GLI2: variants seen among roughly 807,000 people sequenced by gnomAD.
The protein encoded by GLI2 is transcription activator GLI2.
GLI2 carries 22 observed loss-of-function variants against 78.9 expected under a neutral mutation model. The ratio of observed to expected loss-of-function variants is 0.28; its 90% CI spans 0.20 to 0.40. GLI2 has a LOEUF of 0.40. Ranked by LOEUF, GLI2 falls within the 10% of genes least tolerant of loss-of-function variation. GLI2 has a pLI of 1.00. For synonymous variants in GLI2, 974 were observed against 963.7 expected (o/e 1.01, Z -0.20); for missense variants, 2,097 against 2,213.2 (o/e 0.95, Z 1.05).
rs540683265 is a variant in GLI2, at chr2:120,806,057, C to T, written c.148+8589C>T. On this transcript the variant is annotated intron_variant, in intron 2 of 13. Coordinates refer to ENST00000361492, the MANE Select transcript of GLI2 (RefSeq NM_001374353.1). ...AATAACCTATTTACAACTCAGTATG[C>T]GCCGGAGGGAGAATGGATGGGCCCC... Among the ~76,000 whole-genome samples, 54 of 152,298 alleles carry T rather than the reference C, an allele frequency of 3.5e-4. 1 individual carries two copies. In the South Asian group the frequency reaches 4.4e-3, roughly 12 times the overall value.
chr2:120,967,422 C>G (rs1214222521), intron 5 of GLI2, among the ~76,000 whole-genome samples: 1 of 152,202 alleles, frequency 6.6e-6, no homozygotes, highest in East Asian at 1.9e-4. Context: ...AGTCATCCAG[C>G]AGTGTTGTCA....
chr2:120,760,281 T>C (rs888426685), intron 1 of GLI2, among the ~76,000 whole-genome samples: 2 of 152,228 alleles, frequency 1.3e-5, no homozygotes, highest in Non-Finnish European at 2.9e-5. Flanking sequence ...GGGATATAGG[T>C]CCTCCTAGGG....
intron 2 of GLI2, among the ~76,000 whole-genome samples, chr2:120,918,808 C>T (rs2104838029): frequency 6.6e-6 from 1 of 152,338 alleles, no homozygotes; most frequent in South Asian, 2.1e-4. Flanking sequence ...GAAACTGAAG[C>T]TTGGAACACT....
chr2:120,988,123 C>T, intron 13 of GLI2, 85 bp from the exon 14 acceptor site: 1 of 1,220,984 alleles, frequency 8.2e-7, no homozygotes, highest in Non-Finnish European at 1.1e-6. Flanking sequence ...TTCTCGGGCT[C>T]CAGGCCCAGT....
chr2:120,983,765 A>G (rs865882686), intron 11 of GLI2, among the ~76,000 whole-genome samples: 1 of 152,186 alleles, frequency 6.6e-6, no homozygotes, highest in African/African-American at 2.4e-5. Flanking sequence ...AAAAGCTTAG[A>G]CATATCCTGG....
chr2:120,796,165 C>T (rs535368954), intron 1 of GLI2, among the ~76,000 whole-genome samples: 25 of 152,338 alleles, frequency 1.6e-4, no homozygotes, highest in South Asian at 6.2e-4. Context: ...CAGCTGGAGA[C>T]GGAAGTTGCC....
At chr2:120,823,396 TG>T (rs1389550986) in intron 2 of GLI2, among the ~76,000 whole-genome samples, 10 of 152,150 alleles carry the variant, frequency 6.6e-5, no homozygotes, top group Non-Finnish European at 1.3e-4. Flanking sequence ...CCCACATTTC[TG>T]GGTGCAGGTT....
chr2:120,972,975 C>A (rs1682263950), intron 8 of GLI2, among the ~76,000 whole-genome samples: 1 of 152,116 alleles, frequency 6.6e-6, no homozygotes, highest in South Asian at 2.1e-4. Context: ...GTCCCCCAAG[C>A]CCTCTCATGG....
intron 1 of GLI2, among the ~76,000 whole-genome samples, chr2:120,752,484 T>C (rs1366398600): frequency 1.3e-5 from 2 of 152,152 alleles, no homozygotes; most frequent in African/African-American, 4.8e-5. Flanking sequence ...TTAGCCAGGA[T>C]AGTCTCAATC....
In GLI2 at chr2:120,820,986, G is replaced by A. The variant is rs568866387; in HGVS notation, c.148+23518G>A. 4.1e-4 allele frequency among the ~76,000 whole-genome samples: 63 copies of A among 152,260 alleles called. No individual in the cohort carries two copies. In the South Asian group the frequency reaches 4.4e-3, roughly 11 times the overall value. On this transcript the variant is annotated intron_variant, in intron 2 of 13. Coordinates refer to ENST00000361492, the MANE Select transcript of GLI2 (RefSeq NM_001374353.1). ...CATGTGCCGACTCAGTAACTAGTGT[G>A]TGGCCTCCCGGTGGTTTCAGATGCC...
chr2:120,871,650 C>A (rs1216719827), intron 2 of GLI2, among the ~76,000 whole-genome samples: 2 of 152,200 alleles, frequency 1.3e-5, no homozygotes, highest in African/African-American at 4.8e-5. Context: ...CTATTTAATA[C>A]CTCTTCCCTG....
chr2:120,889,629 C>T (rs541863661), intron 2 of GLI2, among the ~76,000 whole-genome samples: 1 of 152,106 alleles, frequency 6.6e-6, no homozygotes, highest in Non-Finnish European at 1.5e-5. Context: ...CAAAACTCAA[C>T]AGTAAAAAAG....
intron 2 of GLI2, among the ~76,000 whole-genome samples, chr2:120,878,167 C>T (rs1175951359): frequency 6.6e-6 from 1 of 152,236 alleles, no homozygotes; most frequent in Non-Finnish European, 1.5e-5. Context: ...TTCACTGACT[C>T]CCTCACTTAC....
chr2:120,914,595 C>G (rs1573591258), intron 2 of GLI2, among the ~76,000 whole-genome samples: 2 of 152,200 alleles, frequency 1.3e-5, no homozygotes, highest in Admixed American at 6.5e-5. Flanking sequence ...AGACAGGCAG[C>G]CCCTCCCATT....
At chr2:120,844,760 TG>T (rs11341239) in intron 2 of GLI2, among the ~76,000 whole-genome samples, 22,102 of 152,204 alleles carry the variant, frequency 0.15, 1,775 homozygotes, top group Middle Eastern at 0.25. Flanking sequence ...ACTTACTTTC[TG>T]GGGCACCCCA....
At chr2:120,774,609 T>A (rs1029421559) in intron 1 of GLI2, among the ~76,000 whole-genome samples, 6 of 152,220 alleles carry the variant, frequency 3.9e-5, no homozygotes, top group African/African-American at 1.4e-4. Flanking sequence ...TGTTTTACTA[T>A]ACAGGAAAAT....
chr2:120,942,481 T>C (rs1034964956), intron 3 of GLI2, among the ~76,000 whole-genome samples: 1 of 152,234 alleles, frequency 6.6e-6, no homozygotes, highest in African/African-American at 2.4e-5. Context: ...CATGATGGCA[T>C]GTAGGGCCCA....
Position 120,951,224 on chromosome 2 carries a change from C to T in GLI2, c.255-19C>T, listed in dbSNP as rs532928261. 1 of 1,462,402 alleles carries T rather than the reference C, an allele frequency of 6.8e-7. No homozygotes were observed. Among genetic ancestry groups the T allele is most frequent in the Non-Finnish European group, 9.6e-7 (1 of 1,041,558 alleles). 90.6% of individuals were successfully genotyped at this position (1,462,402 alleles called of 1,614,324 possible). A position where few individuals can be genotyped will look rare whatever the true frequency, so the allele number is the denominator to read the frequency against. On this transcript the variant is annotated intron_variant, in intron 3 of 13. Coordinates refer to ENST00000361492, the MANE Select transcript of GLI2 (RefSeq NM_001374353.1). ...CCTCTGTGTCCTCCTTCTTAGACGG[C>T]TGCCCATTGTCTCTGCAGGCCCCCT...
chr2:120,848,606 G>A (rs1687238429), intron 2 of GLI2, among the ~76,000 whole-genome samples: 1 of 152,192 alleles, frequency 6.6e-6, no homozygotes, highest in Non-Finnish European at 1.5e-5. Flanking sequence ...GGAAGAGTTG[G>A]AGGAGAAAGA....
Sources: gnomAD v4.1 joint callset for allele counts (sites outside exome capture counted in the v4.1 genomes callset) on GRCh38, gnomAD v4.1.1 for gene constraint, MANE v1.5 for transcripts, NCBI Gene and HGNC (gene_info 2026-07-23, HGNC 2026-07-21) for gene names.